Variants in HERC1 observed in about 807,000 individuals in gnomAD.
The protein encoded by HERC1 is probable E3 ubiquitin-protein ligase HERC1.
A neutral mutation model predicts 554.3 loss-of-function variants in HERC1; 160 were observed. That is an observed-to-expected ratio of 0.29 (90% CI 0.25 to 0.33). The LOEUF is 0.33. Among genes scored for constraint, HERC1 ranks in the 10% least tolerant of loss-of-function variants. HERC1 has a pLI of 1.00. For missense variants in HERC1, 4,919 were observed against 5,918.5 expected, an observed-to-expected ratio of 0.83 and a Z score of 5.54; for synonymous variants, 2,175 against 2,131.7, an observed-to-expected ratio of 1.02 and a Z score of -0.56.
chr15:63,661,159 A>G lies in HERC1; in HGVS notation c.9171-134T>C. On this transcript the variant is annotated intron_variant, in intron 45 of 77. Transcript: ENST00000443617. ...AATAAAAAAGTATGTTTCATGTTAT[A>G]GGCTAACATAATAAAAACTGCTGGT... 3 of 656,062 alleles carry G rather than the reference A, an allele frequency of 4.6e-6. No individual in the cohort carries two copies. In the South Asian group the frequency reaches 5.7e-5, roughly 12 times the overall value. The allele number at this position is 656,062 out of a possible 1,614,324, so 40.6% of individuals were successfully genotyped here.
At chr15:63,742,065 C>T (rs2074833675) in intron 12 of HERC1, among the ~76,000 whole-genome samples, 1 of 152,202 alleles carries the variant, frequency 6.6e-6, no homozygotes, top group Admixed American at 6.5e-5. Flanking sequence ...AATCTGTGAA[C>T]CAATTTGCAA....
rs377138267 is a variant in HERC1 at position 63,651,372 on chromosome 15, T to A, written c.10427A>T (p.Asp3476Val). ...QTCVFNRLEG[D>V]AEESLGSPSD... ...GGGTGATCCCAGGCTTTCCTCAGCA[T>A]CCCCTTCCCTAGAATATAACAGACA... The change falls in exon 53 of 78, where the codon GAT (aspartate) becomes GTT (valine). Residue 3476 changes from aspartate (D) to valine (V), a missense_variant. Asp to Val is a radical substitution (Grantham distance 152, BLOSUM62 -3). Around this residue, in one of 11 missense-constraint regions of HERC1, gnomAD observed 1,963 missense variants for 2,228.6 expected, o/e 0.88. Transcript: ENST00000443617. 6.2e-7 allele frequency: 1 copy of A among 1,613,128 alleles called. No homozygotes were observed. The highest frequency in any genetic ancestry group is 8.5e-7 in the Non-Finnish European group (1 of 1,179,412).
chr15:63,655,337 G>C (rs2069968558), intron 50 of HERC1, among the ~76,000 whole-genome samples: 1 of 152,248 alleles, frequency 6.6e-6, no homozygotes, highest in Admixed American at 6.5e-5. Context: ...TTGGGTGACA[G>C]AGTGAGACTC....
In HERC1 at chr15:63,833,877, G is replaced by C. The variant is rs901234014; in HGVS notation, c.-77C>G. On this transcript the variant is annotated 5_prime_UTR_variant, in exon 1 of 78. Transcript: ENST00000443617. ...GCGCGGCTCCGGCGACCCGAGCCCG[G>C]CTCCGCAGAGGCTGCGGCGGTCGCG... 1 of 152,762 alleles carries C rather than the reference G, an allele frequency of 6.5e-6. No homozygotes were observed. Among genetic ancestry groups the C allele is most frequent in the African/African-American group, 2.4e-5 (1 of 41,426 alleles). 9.5% of individuals were successfully genotyped at this position (152,762 alleles called of 1,614,324 possible).
chr15:63,617,217 G>C (rs1440253393), intron 74 of HERC1, among the ~76,000 whole-genome samples: 1 of 152,040 alleles, frequency 6.6e-6, no homozygotes, highest in Non-Finnish European at 1.5e-5. Context: ...GTGTCCATGT[G>C]TTCTCATTGT....
At chr15:63,821,430 C>A (rs142124229) in intron 1 of HERC1, among the ~76,000 whole-genome samples, 7 of 151,744 alleles carry the variant, frequency 4.6e-5, no homozygotes, top group Non-Finnish European at 7.4e-5. Flanking sequence ...GTGGCATGCA[C>A]CTGTAGTCCC....
chr15:63,719,910 G>A (rs971115039), intron 19 of HERC1, among the ~76,000 whole-genome samples: 1 of 152,060 alleles, frequency 6.6e-6, no homozygotes, highest in Admixed American at 6.5e-5. Context: ...CATTCTAGAG[G>A]AGATAGTGAG....
chr15:63,697,104 T>G (rs915584882), intron 26 of HERC1, among the ~76,000 whole-genome samples: 13 of 152,192 alleles, frequency 8.5e-5, no homozygotes, highest in African/African-American at 2.7e-4. Context: ...TACAATACTA[T>G]CAACTAAACC....
chr15:63,734,602 A>G lies in HERC1; in HGVS notation c.2646+122T>C, dbSNP rs2074424271. 1.6e-5 allele frequency: 12 copies of G among 735,952 alleles called. No individual in the cohort carries two copies. The highest frequency in any genetic ancestry group is 2.5e-5 in the Non-Finnish European group (12 of 478,838). 45.6% of individuals were successfully genotyped at this position (735,952 alleles called of 1,614,324 possible). ...GACAACTGGGAATTCTTCCAGCACAACACATTAACCCATCAAGTACTTATG... is the reference window on the plus strand; with the variant it reads ...GACAACTGGGAATTCTTCCAGCACAGCACATTAACCCATCAAGTACTTATG... On this transcript the variant is annotated intron_variant, in intron 13 of 77. Coordinates refer to ENST00000443617, the MANE Select transcript of HERC1 (RefSeq NM_003922.4). The surrounding 1 kb of genome is among the most constrained non-coding windows in gnomAD (Gnocchi z 4.6).
chr15:63,819,713 C>G (rs866697254), intron 1 of HERC1, among the ~76,000 whole-genome samples: 6 of 152,304 alleles, frequency 3.9e-5, no homozygotes, highest in Middle Eastern at 3.4e-3. Flanking sequence ...ATATCATGGT[C>G]CTGCCCACAT....
intron 1 of HERC1, among the ~76,000 whole-genome samples, chr15:63,799,056 C>G (rs2076898083): frequency 6.6e-6 from 1 of 152,174 alleles, no homozygotes; most frequent in Admixed American, 6.5e-5. Flanking sequence ...CTAGGTCATA[C>G]TTGCACATTT....
chr15:63,639,888 A>G (rs1336602860), intron 61 of HERC1, among the ~76,000 whole-genome samples: 2 of 152,258 alleles, frequency 1.3e-5, no homozygotes, highest in African/African-American at 4.8e-5. Context: ...TATGGACAAA[A>G]GAAAATGAGA....
Position 63,615,762 on chromosome 15 carries a change from T to C in HERC1, c.14094+6A>G. 1 of 1,577,110 alleles carries C rather than the reference T, an allele frequency of 6.3e-7. No homozygotes were observed. Among genetic ancestry groups the C allele is most frequent in the Non-Finnish European group, 8.6e-7 (1 of 1,165,550 alleles). ...CATGTGTACCTCCCGAGATGTTTCA[T>C]CTCACCTGTCTGTCCATCTCATGAA... On this transcript the variant is annotated splice_donor_region_variant and intron_variant, in intron 76 of 77. Transcript: ENST00000443617.
Position 63,753,015 on chromosome 15 carries a change from G to C in HERC1, c.1845C>G (p.Phe615Leu), listed in dbSNP as rs201362777. The change falls in exon 8 of 78, where the codon TTC becomes TTG. Residue 615 changes from phenylalanine to leucine, a missense_variant. Physicochemically the swap from Phe to Leu is conservative, Grantham distance 22. Around this residue, in one of 11 missense-constraint regions of HERC1, gnomAD observed 744 missense variants for 1,090.0 expected, o/e 0.68. Transcript: ENST00000443617. ...GGCTCCCAGCACAAACTTTGCGAAT[G>C]AACATTCCTTGTAAAGCTTCAATAA... ...PKVIEALQGMFIRKVCAGSQS... is the reference protein window; with the variant it reads ...PKVIEALQGMLIRKVCAGSQS... The C allele has an allele frequency of 6.2e-7, 1 of 1,613,528 alleles. No homozygotes were observed. The highest frequency in any genetic ancestry group is 1.1e-5 in the South Asian group (1 of 91,052).
chr15:63,797,926 A>G (rs1196381437), intron 1 of HERC1, among the ~76,000 whole-genome samples: 2 of 152,238 alleles, frequency 1.3e-5, no homozygotes, highest in African/African-American at 2.4e-5. Context: ...GGATGTGAAT[A>G]TAAGTCCCCA....
intron 1 of HERC1, among the ~76,000 whole-genome samples, chr15:63,789,252 G>A (rs558794620): frequency 2.0e-5 from 3 of 148,672 alleles, no homozygotes; most frequent in Non-Finnish European, 4.5e-5. Context: ...CACTACGCCC[G>A]GCTAATTTTT....
Position 63,727,880 on chromosome 15 carries a change from A to G in HERC1, c.3155-42T>C, listed in dbSNP as rs1567058891. 3 of 1,508,876 alleles carry G rather than the reference A, an allele frequency of 2.0e-6. No homozygotes were observed. In the South Asian group the frequency reaches 3.5e-5, roughly 17 times the overall value. The allele number at this position is 1,508,876 out of a possible 1,614,324, so 93.5% of individuals were successfully genotyped here. A position where few individuals can be genotyped will look rare whatever the true frequency, so the allele number is the denominator to read the frequency against. On this transcript the variant is annotated intron_variant, in intron 16 of 77. Coordinates refer to ENST00000443617, the MANE Select transcript of HERC1 (RefSeq NM_003922.4). This position sits in a 1 kb window ranked among gnomAD's most constrained non-coding sequence, Gnocchi z 4.3. ...ATTAAACATGGGACAATTGCTTCAA[A>G]TGAACTTTAAAAAAAGGAACCTAAT...
In HERC1 at chr15:63,727,965, T is replaced by A; in HGVS notation, c.3155-127A>T. On this transcript the variant is annotated intron_variant, in intron 16 of 77. Transcript: ENST00000443617. The surrounding 1 kb of genome is among the most constrained non-coding windows in gnomAD (Gnocchi z 4.3). ...ATTCAACAACTCTCTGTTGAACACC[T>A]ACCTGGTAGCTGATGTAGTATCAGT... is the stretch of plus-strand genomic sequence containing the variant. The A allele has an allele frequency of 1.5e-6, 1 of 661,306 alleles. No individual in the cohort carries two copies. The highest frequency in any genetic ancestry group is 2.6e-6 in the Non-Finnish European group (1 of 389,184). 41.0% of individuals were successfully genotyped at this position (661,306 alleles called of 1,614,324 possible).
intron 1 of HERC1, among the ~76,000 whole-genome samples, chr15:63,826,372 C>A (rs1313072820): frequency 6.6e-6 from 1 of 152,098 alleles, no homozygotes; most frequent in Non-Finnish European, 1.5e-5. Context: ...AAGATACTGC[C>A]ATTACTGGTC....
Sources: gnomAD v4.1 joint callset for allele counts (sites outside exome capture counted in the v4.1 genomes callset) on GRCh38, gnomAD v4.1.1 for gene constraint, gnomAD v4.1.1 regional missense constraint, Gnocchi (gnomAD v3.1) non-coding constraint, MANE v1.5 for transcripts, NCBI Gene and HGNC (gene_info 2026-07-23, HGNC 2026-07-21) for gene names.